The following P4HA1 variants were observed in gnomAD, a reference collection of about 807,000 sequenced individuals.
P4HA1 encodes prolyl 4-hydroxylase subunit alpha 1.
Under a neutral mutation model 72.8 loss-of-function variants are expected in P4HA1, and 24 were observed. That is an observed-to-expected ratio of 0.33 (90% CI 0.24 to 0.46). The LOEUF (loss-of-function observed/expected upper bound fraction) is 0.46. Among genes scored for constraint, P4HA1 ranks in the 20% least tolerant of loss-of-function variants. P4HA1 has a pLI of 1.00. For missense variants in P4HA1, 446 were observed against 640.6 expected, an observed-to-expected ratio of 0.70 and a Z score of 3.28; for synonymous variants, 201 against 218.8, an observed-to-expected ratio of 0.92 and a Z score of 0.72.
intron 5 of P4HA1, among the ~76,000 whole-genome samples, chr10:73,058,704 T>C (rs1418132403): frequency 6.6e-6 from 1 of 150,478 alleles, no homozygotes; most frequent in Admixed American, 6.6e-5. Context: ...AGGATTTCTA[T>C]ACATGAAGTA....
rs185024591 is a variant in P4HA1 at position 73,014,400 on chromosome 10, C to G, written c.1303-111G>C. The G allele has an allele frequency of 5.1e-6, 4 of 779,994 alleles. No individual in the cohort carries two copies. In the South Asian group the frequency reaches 6.1e-5, roughly 12 times the overall value. 48.3% of individuals were successfully genotyped at this position (779,994 alleles called of 1,614,324 possible). A position where few individuals can be genotyped will look rare whatever the true frequency, so the allele number is the denominator to read the frequency against. On this transcript the variant is annotated intron_variant, in intron 11 of 14. Transcript: ENST00000394890. ...TCCTGAAGAATATGCCAACAACAAC[C>G]GCAAAAGTTTCCCTTGTAATGTCCA...
At chr10:73,068,621 C>G (rs752568976) in intron 5 of P4HA1, among the ~76,000 whole-genome samples, 8 of 152,142 alleles carry the variant, frequency 5.3e-5, no homozygotes, top group Non-Finnish European at 1.2e-4. Flanking sequence ...AAGTTAGTCT[C>G]TATCAATACA....
intron 9 of P4HA1, among the ~76,000 whole-genome samples, chr10:73,038,209 T>C (rs1246103056): frequency 2.0e-5 from 3 of 152,162 alleles, no homozygotes; most frequent in African/African-American, 7.2e-5. Flanking sequence ...GAGCCATGAC[T>C]GTGCCACTGC....
chr10:73,050,123 G>A (rs867157940), intron 7 of P4HA1, among the ~76,000 whole-genome samples: 5 of 150,140 alleles, frequency 3.3e-5, no homozygotes, highest in South Asian at 2.1e-4. Context: ...CCGAGACTGC[G>A]CTACCGCATT....
chr10:73,093,873 A>AATATATATATATATAT (rs1167437294), intron 1 of P4HA1, among the ~76,000 whole-genome samples: 6 of 29,324 alleles, frequency 2.0e-4, no homozygotes, highest in South Asian at 1.1e-3. Flanking sequence ...AAAAAAAAAA[A>AATATATATATATATAT]ATATATATAT....
At chr10:73,091,060 C>CAAAAA (rs202009101) in intron 1 of P4HA1, among the ~76,000 whole-genome samples, 4 of 49,368 alleles carry the variant, frequency 8.1e-5, no homozygotes, top group South Asian at 4.6e-4. Flanking sequence ...GAGTCCATCT[C>CAAAAA]AAAAAAAAAA....
chr10:73,053,246 TAAAAAGTA>T (rs1361398054), intron 6 of P4HA1, 97 bp downstream of exon 6: 1 of 1,172,244 alleles, frequency 8.5e-7, no homozygotes, highest in African/African-American at 1.6e-5. Context: ...TCCTGACTTC[TAAAAAGTA>T]AGAAAATACC....
At chr10:73,047,202 A>G in intron 7 of P4HA1, 101 bp from the exon 8 acceptor site, 1 of 855,988 alleles carries the variant, frequency 1.2e-6, no homozygotes, top group Non-Finnish European at 1.8e-6. Context: ...TTGCATATAC[A>G]GAGTATCTCT....
intron 10 of P4HA1, among the ~76,000 whole-genome samples, chr10:73,028,655 G>C (rs1200459884): frequency 6.6e-6 from 1 of 151,786 alleles, no homozygotes; most frequent in African/African-American, 2.4e-5. Flanking sequence ...GGCTGGTCTC[G>C]AACTCCTGAC....
At chr10:73,026,486 CTAAAACCAT>C (rs1456011562) in intron 10 of P4HA1, among the ~76,000 whole-genome samples, 1 of 152,122 alleles carries the variant, frequency 6.6e-6, no homozygotes, top group Non-Finnish European at 1.5e-5. Context: ...AATGTTAGAC[CTAAAACCAT>C]AAAAACCCTA....
At chr10:73,043,792 G>T in intron 9 of P4HA1, 1 of 898,124 alleles carries the variant, frequency 1.1e-6, no homozygotes, top group Non-Finnish European at 1.8e-6. Flanking sequence ...TAACCACCTA[G>T]GTCTTAGAAA....
intron 1 of P4HA1, among the ~76,000 whole-genome samples, chr10:73,085,717 A>G (rs1841912107): frequency 6.6e-6 from 1 of 152,156 alleles, no homozygotes; most frequent in Non-Finnish European, 1.5e-5. Context: ...GGATTTGAAT[A>G]GACATTTCTC....
At chr10:73,059,043 G>A (rs887210324) in intron 5 of P4HA1, among the ~76,000 whole-genome samples, 4 of 152,082 alleles carry the variant, frequency 2.6e-5, no homozygotes, top group Non-Finnish European at 5.9e-5. Context: ...CTCTCAGAGT[G>A]CTGGGATTAC....
intron 7 of P4HA1, 31 bp from the exon 8 acceptor site, chr10:73,047,132 T>C (rs780560863): frequency 2.1e-6 from 3 of 1,441,966 alleles, no homozygotes; most frequent in Non-Finnish European, 2.9e-6. Context: ...ATGATGAATA[T>C]ATTACAGTAA....
At chr10:73,064,476 C>A (rs1177243820) in intron 5 of P4HA1, among the ~76,000 whole-genome samples, 1 of 117,450 alleles carries the variant, frequency 8.5e-6, no homozygotes, top group African/African-American at 4.5e-5. Flanking sequence ...GAGATCCTGT[C>A]TCAAAAAAAT....
chr10:73,089,705 C>T (rs1279810058), intron 1 of P4HA1, among the ~76,000 whole-genome samples: 1 of 140,790 alleles, frequency 7.1e-6, no homozygotes, highest in Non-Finnish European at 1.5e-5. Context: ...GGAGATTCCC[C>T]GTGCTAAAAA....
At chr10:73,076,587 C>T (rs573705882) in intron 1 of P4HA1, among the ~76,000 whole-genome samples, 7 of 152,026 alleles carry the variant, frequency 4.6e-5, no homozygotes, top group South Asian at 4.1e-4. Context: ...ATGATAGCAC[C>T]GTCTTTTCTA....
intron 9 of P4HA1, among the ~76,000 whole-genome samples, chr10:73,032,964 G>T (rs926456113): frequency 1.3e-5 from 2 of 152,096 alleles, no homozygotes; most frequent in Non-Finnish European, 1.5e-5. Context: ...TTTGGGACTG[G>T]CTGAGTATTA....
At chr10:73,095,659 C>A (rs76047516) in intron 1 of P4HA1, among the ~76,000 whole-genome samples, 4 of 152,186 alleles carry the variant, frequency 2.6e-5, no homozygotes, top group Non-Finnish European at 5.9e-5. Flanking sequence ...CCACTGCTCT[C>A]GGAGAAACCA....
Sources: allele counts gnomAD v4.1 joint callset (sites outside exome capture counted in the v4.1 genomes callset), GRCh38; gene constraint gnomAD v4.1.1; transcripts MANE v1.5; gene names NCBI Gene and HGNC (gene_info 2026-07-23, HGNC 2026-07-21).